The following CHGA variants were observed in gnomAD, a reference collection of about 807,000 sequenced individuals.
The protein encoded by CHGA is chromogranin-A.
In CHGA, 41 loss-of-function variants were observed where a neutral mutation model predicts 54.4. That is an observed-to-expected ratio of 0.75 (90% CI 0.59 to 0.98). The LOEUF (loss-of-function observed/expected upper bound fraction) is 0.98, where lower values mean the gene tolerates loss of function less well. CHGA is among the 50% of genes least tolerant of loss of function. CHGA has a pLI of 0.00. For synonymous variants in CHGA, 249 were observed against 232.8 expected (o/e 1.07, Z -0.63); for missense variants, 576 against 582.3 (o/e 0.99, Z 0.11).
Position 92,934,968 on chromosome 14 carries a change from G to A in CHGA, c.*84G>A, listed in dbSNP as rs1251572734. ...TTGGCAGGTCCTGGCCAGATGGCCCGGATGCTGCTTCCGGTAGGGAGGCAG... is the reference window on the plus strand; with the variant it reads ...TTGGCAGGTCCTGGCCAGATGGCCCAGATGCTGCTTCCGGTAGGGAGGCAG... On this transcript the variant is annotated 3_prime_UTR_variant, in exon 8 of 8. Transcript: ENST00000216492. 31 of 1,254,092 alleles carry A rather than the reference G, an allele frequency of 2.5e-5. No homozygotes were observed. The highest frequency in any genetic ancestry group is 9.3e-5 in the South Asian group (6 of 64,828). 77.7% of individuals were successfully genotyped at this position (1,254,092 alleles called of 1,614,324 possible). A position where few individuals can be genotyped will look rare whatever the true frequency, so the allele number is the denominator to read the frequency against.
At chr14:92,934,126 G>T (rs1200107505) in intron 7 of CHGA, among the ~76,000 whole-genome samples, 2 of 152,240 alleles carry the variant, frequency 1.3e-5, no homozygotes, top group Non-Finnish European at 2.9e-5. Flanking sequence ...AAAGGAGGCA[G>T]CCTTCCCTGC....
intron 4 of CHGA, among the ~76,000 whole-genome samples, chr14:92,928,475 T>C (rs929582248): frequency 6.6e-6 from 1 of 152,222 alleles, no homozygotes; most frequent in Non-Finnish European, 1.5e-5. Flanking sequence ...ACCCACCTCC[T>C]ACTGTTGTTG....
chr14:92,927,012 C>T (rs1195586312), intron 3 of CHGA, among the ~76,000 whole-genome samples: 1 of 152,346 alleles, frequency 6.6e-6, no homozygotes, highest in South Asian at 2.1e-4. Flanking sequence ...TGTGCTGTAT[C>T]CCAGTGCCTA....
chr14:92,925,666 T>C (rs1451883961), intron 2 of CHGA, among the ~76,000 whole-genome samples: 1 of 152,170 alleles, frequency 6.6e-6, no homozygotes, highest in Non-Finnish European at 1.5e-5. Context: ...TCTACTCAGC[T>C]CTAGGCTGTG....
intron 7 of CHGA, among the ~76,000 whole-genome samples, 187 bp from the exon 8 acceptor site, chr14:92,934,611 CCTT>C (rs1476214141): frequency 6.6e-6 from 1 of 152,202 alleles, no homozygotes; most frequent in Non-Finnish European, 1.5e-5. Context: ...GCATCAGCCA[CCTT>C]CTTGTGCATA....
At position 92,932,620 on chromosome 14, in the gene CHGA, G is replaced by A. The variant is rs1338663871; in HGVS notation, c.1059G>A (p.Thr353=). The stretch of plus-strand genomic sequence containing the variant: ...TGGACCAGCTGGCCAAGGAGCTGAC[G>A]GCTGAGAAGCGGCTGGAGGGGCAGG... ...SKMDQLAKEL[T]AEKRLEGQEE... is the part of the protein sequence containing the mutation. Residue 353 remains threonine, a synonymous_variant, in exon 7 of 8, where the codon ACG becomes ACA. Transcript: ENST00000216492. The surrounding 1 kb of genome is among the most constrained non-coding windows in gnomAD (Gnocchi z 5.3). 47 of 1,589,258 alleles carry A rather than the reference G, an allele frequency of 3.0e-5. No individual in the cohort carries two copies. The East Asian group carries it at 5.2e-4, about 18-fold the overall frequency.
intron 7 of CHGA, among the ~76,000 whole-genome samples, chr14:92,933,881 G>C (rs897587620): frequency 6.6e-6 from 1 of 152,188 alleles, no homozygotes; most frequent in Non-Finnish European, 1.5e-5. Flanking sequence ...CCGCAGGGCA[G>C]AGAAACTGGA....
At chr14:92,923,527 G>A (rs1418860731) in intron 1 of CHGA, 122 bp downstream of exon 1, 8 of 892,648 alleles carry the variant, frequency 9.0e-6, no homozygotes, top group Non-Finnish European at 1.2e-5. Context: ...CGAGTTTTCA[G>A]CACCGCGGAC....
At chr14:92,934,737 G>A (rs915758649) in intron 7 of CHGA, 64 bp from the exon 8 acceptor site, 6 of 1,314,706 alleles carry the variant, frequency 4.6e-6, no homozygotes, top group Non-Finnish European at 6.4e-6. Flanking sequence ...GCGCCTTTCT[G>A]GCTTACTGTG....
rs774428465 is a variant in CHGA at position 92,932,557 on chromosome 14, C to G, written c.996C>G (p.Leu332=). The change falls in exon 7 of 8, where the codon CTC becomes CTG. Residue 332 remains leucine, a synonymous_variant. Coordinates refer to ENST00000216492, the MANE Select transcript of CHGA (RefSeq NM_001275.4). The surrounding 1 kb of genome is among the most constrained non-coding windows in gnomAD (Gnocchi z 5.3). ...SGELEQEEER[L]SKEWEDSKRW... ...AGCTGGAGCAGGAGGAGGAGCGGCT[C>G]TCCAAGGAGTGGGAGGACTCCAAAC... The G allele has an allele frequency of 6.4e-6, 10 of 1,556,906 alleles. No individual in the cohort carries two copies. In the African/African-American group the frequency reaches 1.4e-4, roughly 21 times the overall value.
chr14:92,929,040 G>A (rs990815841), intron 4 of CHGA, among the ~76,000 whole-genome samples: 2 of 152,222 alleles, frequency 1.3e-5, no homozygotes, highest in African/African-American at 4.8e-5. Context: ...GCCCATTGTT[G>A]GGGAAGAAAT....
At chr14:92,927,767 C>A in intron 4 of CHGA, 149 bp downstream of exon 4, 1 of 684,204 alleles carries the variant, frequency 1.5e-6, no homozygotes, top group Non-Finnish European at 2.5e-6. Context: ...TGCCACCTGG[C>A]TCAATCTGTT....
Position 92,932,500 on chromosome 14 carries a change from G to T in CHGA, c.939G>T (p.Pro313=), listed in dbSNP as rs748718190. The change falls in exon 7 of 8, where the codon CCG becomes CCT. Residue 313 remains proline, a synonymous_variant. Coordinates refer to ENST00000216492, the MANE Select transcript of CHGA (RefSeq NM_001275.4). This position sits in a 1 kb window ranked among gnomAD's most constrained non-coding sequence, Gnocchi z 5.3. The part of the protein sequence containing the change: ...KEEEEEMAVV[P]QGLFRGGKSG... ...AGGAGGAGGAGATGGCAGTGGTCCC[G>T]CAAGGCCTCTTCCGGGGTGGGAAGA... 1.3e-6 allele frequency: 2 copies of T among 1,554,234 alleles called. No individual in the cohort carries two copies. The highest frequency in any genetic ancestry group is 2.4e-5 in the East Asian group (1 of 41,416).
intron 4 of CHGA, among the ~76,000 whole-genome samples, chr14:92,929,361 C>A (rs984871846): frequency 2.1e-5 from 3 of 144,006 alleles, no homozygotes; most frequent in Non-Finnish European, 4.4e-5. Context: ...GGGTTCCCCA[C>A]CCCCAACTCC....
Position 92,935,132 on chromosome 14 carries a change from C to A in CHGA, c.*248C>A. On this transcript the variant is annotated 3_prime_UTR_variant, in exon 8 of 8. Coordinates refer to ENST00000216492, the MANE Select transcript of CHGA (RefSeq NM_001275.4). ...ACATTGACGATTCCTTCTCTGAACA[C>A]AGGCAGCTTTCTAGAAGTTTCCCTT... 2.0e-6 allele frequency: 1 copy of A among 488,394 alleles called. No homozygotes were observed. The highest frequency in any genetic ancestry group is 3.4e-5 in the South Asian group (1 of 29,046). The allele number at this position is 488,394 out of a possible 1,614,324, so 30.3% of individuals were successfully genotyped here. A position where few individuals can be genotyped will look rare whatever the true frequency, so the allele number is the denominator to read the frequency against.
Position 92,935,162 on chromosome 14 carries a change from C to T in CHGA, c.*278C>T. ...AGCTTTCTAGAAGTTTCCCTTCCTC[C>T]ATCCTATCCACTGGGCACAACTGCA... On this transcript the variant is annotated 3_prime_UTR_variant, in exon 8 of 8. Coordinates refer to ENST00000216492, the MANE Select transcript of CHGA (RefSeq NM_001275.4). 1 of 450,330 alleles carries T rather than the reference C, an allele frequency of 2.2e-6. No homozygotes were observed. The allele number at this position is 450,330 out of a possible 1,614,324, so 27.9% of individuals were successfully genotyped here.
chr14:92,931,448 C>T lies in CHGA; in HGVS notation c.554C>T (p.Pro185Leu). The change falls in exon 6 of 8, where the codon CCT (proline) becomes CTT (leucine). Residue 185 changes from proline to leucine, a missense_variant. Pro to Leu is a moderately conservative substitution (Grantham distance 98). Coordinates refer to ENST00000216492, the MANE Select transcript of CHGA (RefSeq NM_001275.4). ...EEEEEATNTH[P>L]PASLPSQKYP... is the part of the protein sequence containing the mutation. ...GAGGAGGAGGCCACCAACACCCACC[C>T]TCCAGCCAGCCTCCCCAGCCAGAAA... 6.2e-7 allele frequency: 1 copy of T among 1,608,814 alleles called. No homozygotes were observed. Among genetic ancestry groups the T allele is most frequent in the Non-Finnish European group, 8.5e-7 (1 of 1,178,212 alleles).
chr14:92,934,510 AAGAAC>A (rs1295017516), intron 7 of CHGA, among the ~76,000 whole-genome samples: 1 of 152,194 alleles, frequency 6.6e-6, no homozygotes, highest in African/African-American at 2.4e-5. Context: ...TGTGCCCTAA[AAGAAC>A]AGACTCCCAC....
At chr14:92,929,070 G>T (rs1886942015) in intron 4 of CHGA, among the ~76,000 whole-genome samples, 1 of 152,238 alleles carries the variant, frequency 6.6e-6, no homozygotes, top group Non-Finnish European at 1.5e-5. Flanking sequence ...TAACTGAGGG[G>T]CCAACATCAG....
Sources: allele counts gnomAD v4.1 joint callset (sites outside exome capture counted in the v4.1 genomes callset), GRCh38; gene constraint gnomAD v4.1.1; non-coding constraint Gnocchi (gnomAD v3.1); transcripts MANE v1.5; gene names NCBI Gene and HGNC (gene_info 2026-07-23, HGNC 2026-07-21).